NCOR2: variants seen among roughly 807,000 people sequenced by gnomAD.
NCOR2 encodes nuclear receptor corepressor 2.
A neutral mutation model predicts 262.9 loss-of-function variants in NCOR2; 81 were observed. The ratio of observed to expected loss-of-function variants is 0.31; its 90% confidence interval spans 0.26 to 0.37. The LOEUF (loss-of-function observed/expected upper bound fraction) is 0.37. Among genes scored for constraint, NCOR2 ranks in the 10% least tolerant of loss-of-function variants. NCOR2 has a pLI of 1.00. For synonymous variants in NCOR2, 1,659 were observed against 1,559.3 expected (o/e 1.06, Z -1.51); for missense variants, 3,385 against 3,621.4 (o/e 0.93, Z 1.68).
chr12:124,376,834 G>A (rs1269484984), intron 18 of NCOR2, among the ~76,000 whole-genome samples: 1 of 152,234 alleles, frequency 6.6e-6, no homozygotes, highest in African/African-American at 2.4e-5. Context: ...AAGGACCCCA[G>A]ACGGGGCAGG....
At chr12:124,560,523 A>G (rs2051334316) in intron 1 of NCOR2, among the ~76,000 whole-genome samples, 1 of 152,270 alleles carries the variant, frequency 6.6e-6, no homozygotes, top group Non-Finnish European at 1.5e-5. Context: ...ATAGTTTGCC[A>G]ACTCTTGCTT....
intron 21 of NCOR2, among the ~76,000 whole-genome samples, chr12:124,362,586 C>G (rs878956005): frequency 8.6e-6 from 1 of 115,704 alleles, no homozygotes; most frequent in Non-Finnish European, 1.8e-5. Context: ...CCTCCCCAGA[C>G]AGCCTAGCCC....
intron 7 of NCOR2, among the ~76,000 whole-genome samples, chr12:124,447,698 CTTTTTTTT>C (rs549662911): frequency 6.8e-6 from 1 of 145,994 alleles, no homozygotes; most frequent in African/African-American, 2.5e-5. Context: ...TTCTTTCTTT[CTTTTTTTT>C]TTTTAACAGA....
At chr12:124,407,021 A>C (rs2042312736) in intron 13 of NCOR2, among the ~76,000 whole-genome samples, 1 of 152,234 alleles carries the variant, frequency 6.6e-6, no homozygotes, top group Non-Finnish European at 1.5e-5. Context: ...AGGGAGTTTA[A>C]GTAACTCATC....
chr12:124,422,680 G>A lies in NCOR2; in HGVS notation c.1329-125C>T, dbSNP rs1404132505. ...CCTGGCGGGCACCGCCCCACTTGGA[G>A]CAATTAAGCCCAGGGGGGTGTGGGA... On this transcript the variant is annotated intron_variant, in intron 11 of 46. Transcript: ENST00000405201. The A allele has an allele frequency of 4.6e-6, 5 of 1,097,708 alleles. No homozygotes were observed. In the African/African-American group the frequency reaches 4.7e-5, roughly 10 times the overall value. The allele number at this position is 1,097,708 out of a possible 1,614,324, so 68.0% of individuals were successfully genotyped here.
At chr12:124,370,888 C>T (rs1397772968) in intron 20 of NCOR2, among the ~76,000 whole-genome samples, 1 of 152,182 alleles carries the variant, frequency 6.6e-6, no homozygotes, top group Non-Finnish European at 1.5e-5. Flanking sequence ...AACCTCTGCA[C>T]CTGTGATCCA....
chr12:124,422,519 T>C (rs1415031353), exon 12 of NCOR2: 2 of 1,614,036 alleles, frequency 1.2e-6, no homozygotes, highest in Non-Finnish European at 1.7e-6. Flanking sequence ...CCAGGAATGA[T>C]GCGATCAGGC....
chr12:124,424,644 C>T (rs896787505), intron 11 of NCOR2, among the ~76,000 whole-genome samples: 1 of 152,196 alleles, frequency 6.6e-6, no homozygotes, highest in African/African-American at 2.4e-5. Flanking sequence ...ACTTGCGGGT[C>T]CACTCACCCC....
chr12:124,518,425 GC>G (rs1007497644), intron 1 of NCOR2: 9 of 152,336 alleles, frequency 5.9e-5, no homozygotes, highest in African/African-American at 1.9e-4. Flanking sequence ...GCCAGGCCAG[GC>G]CCCCCAGGCT....
At chr12:124,368,083 C>T (rs570434164) in intron 20 of NCOR2, among the ~76,000 whole-genome samples, 4 of 152,356 alleles carry the variant, frequency 2.6e-5, no homozygotes, top group African/African-American at 9.6e-5. Flanking sequence ...AGCAAAGGCT[C>T]GGATCCCCTC....
intron 38 of NCOR2, chr12:124,335,872 C>G (rs960286647): frequency 1.9e-6 from 1 of 533,294 alleles, no homozygotes; most frequent in Admixed American, 3.2e-5. Flanking sequence ...GAGAGGGAGA[C>G]ACAGAGAGAG....
intron 11 of NCOR2, among the ~76,000 whole-genome samples, chr12:124,425,072 T>C (rs1360162605): frequency 6.6e-6 from 1 of 152,212 alleles, no homozygotes; most frequent in Non-Finnish European, 1.5e-5. Context: ...GTAAACTTTC[T>C]TTAACCCTTA....
chr12:124,472,856 T>G, intron 4 of NCOR2, 96 bp downstream of exon 6: 6 of 1,535,648 alleles, frequency 3.9e-6, no homozygotes, highest in Non-Finnish European at 5.4e-6. Flanking sequence ...ACCCAGGAAC[T>G]TGGGAAGGGC....
chr12:124,335,325 G>C, intron 39 of NCOR2, 45 bp from the exon 42 acceptor site: 1 of 1,520,856 alleles, frequency 6.6e-7, no homozygotes, highest in Non-Finnish European at 8.8e-7. Flanking sequence ...GCTGGCCCCA[G>C]GGCTGCTGGG....
chr12:124,506,151 G>A (rs570752693), intron 1 of NCOR2, among the ~76,000 whole-genome samples: 1 of 152,098 alleles, frequency 6.6e-6, no homozygotes, highest in Non-Finnish European at 1.5e-5. Flanking sequence ...GCTAACACCA[G>A]AGGCAGCAGA....
In NCOR2 at chr12:124,565,326, G is replaced by A. The variant is rs2052200881; in HGVS notation, c.-165+1982C>T. 3.3e-5 allele frequency among the ~76,000 whole-genome samples: 5 copies of A among 152,144 alleles called. No homozygotes were observed. In the South Asian group the frequency reaches 8.3e-4, roughly 25 times the overall value. On this transcript the variant is annotated intron_variant, in intron 1 of 32. Coordinates refer to the NCOR2 transcript ENST00000458234. ...GTGGCAGCAGTGAATTTCCAAGCAG[G>A]GACACGGCAGGCGGCTCAGGGAAGC...
exon 5 of NCOR2, chr12:124,466,248 A>C: frequency 6.2e-7 from 1 of 1,609,200 alleles, no homozygotes; most frequent in Non-Finnish European, 8.5e-7. Context: ...CGGGCTTCTC[A>C]GGCTCGGGCG....
chr12:124,472,175 T>A (rs1421789586), intron 4 of NCOR2, among the ~76,000 whole-genome samples: 1 of 152,198 alleles, frequency 6.6e-6, no homozygotes, highest in African/African-American at 2.4e-5. Context: ...ACCTGAATGA[T>A]ACCAGGGAGC....
chr12:124,494,207 G>A (rs553070941), intron 1 of NCOR2, among the ~76,000 whole-genome samples: 3 of 151,550 alleles, frequency 2.0e-5, no homozygotes, highest in Admixed American at 6.6e-5. Context: ...GACCACACCA[G>A]CCAGGCAGGA....
Sources: gnomAD v4.1 joint callset for allele counts (sites outside exome capture counted in the v4.1 genomes callset) on GRCh38, gnomAD v4.1.1 for gene constraint, MANE v1.5 for transcripts, NCBI Gene and HGNC (gene_info 2026-07-23, HGNC 2026-07-21) for gene names.